BCL11B: variants seen among roughly 807,000 people sequenced by gnomAD.
BCL11B encodes B-cell lymphoma/leukemia 11B.
In BCL11B, 8 loss-of-function variants were observed where a neutral mutation model predicts 49.9. That is an observed-to-expected ratio of 0.16 (90% confidence interval 0.09 to 0.29). The LOEUF is 0.29. Ranked by LOEUF, BCL11B falls within the 10% of genes least tolerant of loss-of-function variation. The pLI is 1.00. For missense variants in BCL11B, 1,006 were observed against 1,351.0 expected, an observed-to-expected ratio of 0.74 and a Z score of 4.00; for synonymous variants, 739 against 637.4, an observed-to-expected ratio of 1.16 and a Z score of -2.40.
chr14:99,253,876 G>A (rs779120955), intron 2 of BCL11B, among the ~76,000 whole-genome samples: 70 of 152,224 alleles, frequency 4.6e-4, no homozygotes, highest in Non-Finnish European at 8.5e-4. Context: ...AGGCAGCGAT[G>A]TATCAGAGGC....
rs1888231084 is a variant in BCL11B, at chr14:99,228,928, A to ATGGATGGATGAACGGATGGG, written c.640+2397_640+2416dup. Among the ~76,000 whole-genome samples, 9 of 152,324 alleles carry ATGGATGGATGAACGGATGGG rather than the reference A, an allele frequency of 5.9e-5. No individual in the cohort carries two copies. The South Asian group carries it at 1.9e-3, about 32-fold the overall frequency. On this transcript the variant is annotated intron_variant, in intron 3 of 3. Transcript: ENST00000357195. This position sits in a 1 kb window ranked among gnomAD's most constrained non-coding sequence, Gnocchi z 4.8. ...AAAGAATGAATAAATGGATGGATGG[A>ATGGATGGATGAACGGATGGG]TGGATGGATGAACGGATGGGTGGAT...
intron 3 of BCL11B, among the ~76,000 whole-genome samples, chr14:99,180,495 C>A (rs947003920): frequency 2.0e-5 from 3 of 152,184 alleles, no homozygotes; most frequent in Non-Finnish European, 4.4e-5. Context: ...GAACCCTGGA[C>A]AACAGCAGTG....
intron 1 of BCL11B, among the ~76,000 whole-genome samples, chr14:99,270,785 C>A (rs1889650045): frequency 6.7e-6 from 1 of 149,246 alleles, no homozygotes; most frequent in African/African-American, 2.5e-5. Flanking sequence ...CCCCCTCCCC[C>A]TCCTCTCCAA....
rs956474171 is a variant in BCL11B at position 99,171,316 on chromosome 14, T to C, written c.*2835A>G. 2 of 225,160 alleles carry C rather than the reference T, an allele frequency of 8.9e-6. No individual in the cohort carries two copies. The highest frequency in any genetic ancestry group is 1.8e-5 in the Non-Finnish European group (2 of 112,842). The allele number at this position is 225,160 out of a possible 1,614,324, so 13.9% of individuals were successfully genotyped here. A position where few individuals can be genotyped will look rare whatever the true frequency, so the allele number is the denominator to read the frequency against. On this transcript the variant is annotated 3_prime_UTR_variant, in exon 4 of 4. Coordinates refer to ENST00000357195, the MANE Select transcript of BCL11B (RefSeq NM_138576.4). ...TTCTCAAAGGTTGTCAAACAACCCT[T>C]TTTCTCCTGTACAATAGGACTTAAC...
chr14:99,181,347 T>C (rs1178661444), intron 3 of BCL11B, among the ~76,000 whole-genome samples: 1 of 152,194 alleles, frequency 6.6e-6, no homozygotes. Flanking sequence ...CCATCTTTGC[T>C]CACTGTGGCC....
chr14:99,229,829 G>T (rs973983316), intron 3 of BCL11B, among the ~76,000 whole-genome samples: 1 of 152,024 alleles, frequency 6.6e-6, no homozygotes, highest in Non-Finnish European at 1.5e-5. Context: ...AGCCACGAGA[G>T]CAAGGCAACC....
At chr14:99,229,164 A>C (rs1176909591) in intron 3 of BCL11B, among the ~76,000 whole-genome samples, 1 of 152,118 alleles carries the variant, frequency 6.6e-6, no homozygotes, top group Non-Finnish European at 1.5e-5. Flanking sequence ...GGACGGACGG[A>C]TAGACGTGAG....
At chr14:99,209,284 C>T (rs1253758406) in intron 3 of BCL11B, among the ~76,000 whole-genome samples, 1 of 152,080 alleles carries the variant, frequency 6.6e-6, no homozygotes, top group Non-Finnish European at 1.5e-5. Flanking sequence ...TCTCACTCGG[C>T]TCATAATCCT....
In BCL11B at chr14:99,198,321, T is replaced by C. The variant is rs150948889; in HGVS notation, c.641-22126A>G. On this transcript the variant is annotated intron_variant, in intron 3 of 3. Coordinates refer to ENST00000357195, the MANE Select transcript of BCL11B (RefSeq NM_138576.4). ...ATGTTTCCTTTCGGTCCCTTTCCTG[T>C]GGATGCAGATAGACAAGAACACACA... 1.4e-4 allele frequency among the ~76,000 whole-genome samples: 22 copies of C among 152,342 alleles called. No individual in the cohort carries two copies. The East Asian group carries it at 4.2e-3, about 29-fold the overall frequency.
intron 2 of BCL11B, among the ~76,000 whole-genome samples, chr14:99,236,145 TG>T (rs1566823946): frequency 6.6e-6 from 1 of 152,120 alleles, no homozygotes; most frequent in Non-Finnish European, 1.5e-5. Context: ...AATATGGAAA[TG>T]GGAGCCGGGA....
At chr14:99,185,456 A>G (rs1209197614) in intron 3 of BCL11B, among the ~76,000 whole-genome samples, 1,839 of 151,934 alleles carry the variant, frequency 0.012, 35 homozygotes, top group African/African-American at 0.042. Flanking sequence ...GAAAAAAAAA[A>G]AAAAAACTAT....
intron 1 of BCL11B, among the ~76,000 whole-genome samples, chr14:99,263,628 G>T (rs1008078511): frequency 6.6e-6 from 1 of 152,196 alleles, no homozygotes; most frequent in African/African-American, 2.4e-5. Flanking sequence ...CTAATTTTAG[G>T]ATGCTTAAGC....
intron 3 of BCL11B, among the ~76,000 whole-genome samples, chr14:99,176,691 C>T (rs1377580751): frequency 6.6e-6 from 1 of 152,036 alleles, no homozygotes; most frequent in Non-Finnish European, 1.5e-5. Flanking sequence ...TGGGGGCTGT[C>T]CTGCGCATTG....
At chr14:99,238,925 G>A (rs1378492749) in intron 2 of BCL11B, among the ~76,000 whole-genome samples, 3 of 152,142 alleles carry the variant, frequency 2.0e-5, no homozygotes, top group Non-Finnish European at 2.9e-5. Context: ...GCCATGTGTC[G>A]CACTGGTTAG....
chr14:99,215,976 C>A (rs1426103339), intron 3 of BCL11B, among the ~76,000 whole-genome samples: 1 of 152,176 alleles, frequency 6.6e-6, no homozygotes, highest in African/African-American at 2.4e-5. Flanking sequence ...GAGGAAAAAG[C>A]CCCGTGGATC....
rs867600977 is a variant in BCL11B at position 99,173,967 on chromosome 14, C to T, written c.*184G>A. On this transcript the variant is annotated 3_prime_UTR_variant, in exon 4 of 4. Transcript: ENST00000357195. ...TAAAAGGCTCCACAATTTGTACTGC[C>T]TTAATCAACCCTCGGGTTTCCATAG... 14 of 612,592 alleles carry T rather than the reference C, an allele frequency of 2.3e-5. No homozygotes were observed. In the South Asian group the frequency reaches 2.4e-4, roughly 10 times the overall value. 37.9% of individuals were successfully genotyped at this position (612,592 alleles called of 1,614,324 possible).
At chr14:99,203,203 C>A (rs1043279845) in intron 3 of BCL11B, among the ~76,000 whole-genome samples, 3 of 152,156 alleles carry the variant, frequency 2.0e-5, no homozygotes, top group African/African-American at 7.2e-5. Flanking sequence ...CCGCAGGGAG[C>A]AGAACAGGCC....
At chr14:99,217,568 C>T (rs775334834) in intron 3 of BCL11B, among the ~76,000 whole-genome samples, 2 of 152,182 alleles carry the variant, frequency 1.3e-5, no homozygotes, top group Non-Finnish European at 2.9e-5. Flanking sequence ...CTTGCAGGTC[C>T]GCTCAGACCC....
chr14:99,174,526 CGTGCCGCTGCGGCCCGAG>C lies in BCL11B; in HGVS notation c.2292_2309del (p.Ser765_Thr770del). ...GGTGCGGGGTGCTGCCTCCGCTGGCCGTGCCGCTGCGGCCCGAGAGGCCGCCGTCCAGCAGGTCCCCGG... is the reference window on the plus strand; with the variant it reads ...GGTGCGGGGTGCTGCCTCCGCTGGCCAGGCCGCCGTCCAGCAGGTCCCCGG... On this transcript the variant is annotated inframe_deletion, in exon 4 of 4. Coordinates refer to ENST00000357195, the MANE Select transcript of BCL11B (RefSeq NM_138576.4). 6.6e-7 allele frequency: 1 copy of C among 1,518,658 alleles called. No individual in the cohort carries two copies. The highest frequency in any genetic ancestry group is 1.4e-5 in the African/African-American group (1 of 69,968). The allele number at this position is 1,518,658 out of a possible 1,614,324, so 94.1% of individuals were successfully genotyped here.
Sources: allele counts gnomAD v4.1 joint callset (sites outside exome capture counted in the v4.1 genomes callset), GRCh38; gene constraint gnomAD v4.1.1; non-coding constraint Gnocchi (gnomAD v3.1); transcripts MANE v1.5; gene names NCBI Gene and HGNC (gene_info 2026-07-23, HGNC 2026-07-21).